The following TRAPPC9 variants were observed in gnomAD, a reference collection of about 807,000 sequenced individuals.
TRAPPC9 encodes the protein trafficking protein particle complex subunit 9, also known as IKK2 binding protein.
TRAPPC9 carries 83 observed loss-of-function variants against 124.0 expected under a neutral mutation model. The ratio of observed to expected loss-of-function variants is 0.67; its 90% CI spans 0.56 to 0.80. The LOEUF (loss-of-function observed/expected upper bound fraction) is 0.80, where lower values mean the gene tolerates loss of function less well. Ranked by LOEUF, TRAPPC9 falls within the 30% of genes least tolerant of loss-of-function variation. The pLI, the probability that TRAPPC9 is intolerant of heterozygous loss-of-function variation, is 0.00. For synonymous variants in TRAPPC9, 638 were observed against 617.5 expected, an observed-to-expected ratio of 1.03 and a Z score of -0.49; for missense variants, 1,302 against 1,508.3, an observed-to-expected ratio of 0.86 and a Z score of 2.27.
intron 18 of TRAPPC9, among the ~76,000 whole-genome samples, chr8:140,014,043 A>T (rs1839301119): frequency 6.6e-6 from 1 of 152,176 alleles, no homozygotes; most frequent in Non-Finnish European, 1.5e-5. Context: ...CTGGAAAAAG[A>T]TCTACCACGA....
intron 19 of TRAPPC9, among the ~76,000 whole-genome samples, chr8:139,954,638 G>C (rs28436938): frequency 0.3 from 45,257 of 152,166 alleles, 7,095 homozygotes; most frequent in East Asian, 0.63. Flanking sequence ...AAGAAGCTGC[G>C]AGGTAATCTC....
chr8:140,352,563 A>T (rs745637798), intron 9 of TRAPPC9, among the ~76,000 whole-genome samples: 4 of 152,132 alleles, frequency 2.6e-5, no homozygotes, highest in Non-Finnish European at 5.9e-5. Flanking sequence ...GACTGGGCTG[A>T]ACATTAAACG....
intron 21 of TRAPPC9, among the ~76,000 whole-genome samples, chr8:139,827,014 G>A (rs1250961110): frequency 1.3e-5 from 2 of 152,222 alleles, no homozygotes; most frequent in Non-Finnish European, 2.9e-5. Flanking sequence ...GGAACCTGGA[G>A]TCACTCTGCA....
intron 17 of TRAPPC9, among the ~76,000 whole-genome samples, chr8:140,197,746 A>G (rs1341819004): frequency 2.0e-5 from 3 of 152,104 alleles, no homozygotes; most frequent in Non-Finnish European, 1.5e-5. Context: ...TATAAAACAA[A>G]AGAGAACAGA....
At chr8:140,018,003 C>T (rs796155412) in intron 18 of TRAPPC9, among the ~76,000 whole-genome samples, 26 of 152,200 alleles carry the variant, frequency 1.7e-4, no homozygotes, top group African/African-American at 5.8e-4. Flanking sequence ...ACCACCACAC[C>T]CAGTTAATTT....
intron 21 of TRAPPC9, among the ~76,000 whole-genome samples, chr8:139,857,383 G>A (rs996349480): frequency 2.6e-5 from 4 of 152,192 alleles, no homozygotes; most frequent in Non-Finnish European, 4.4e-5. Flanking sequence ...CTGACAATCT[G>A]AGTGCGATTC....
intron 20 of TRAPPC9, among the ~76,000 whole-genome samples, chr8:139,887,338 A>T (rs1830077915): frequency 6.7e-6 from 1 of 150,198 alleles, no homozygotes; most frequent in African/African-American, 2.5e-5. Flanking sequence ...CTCCTGCCTC[A>T]GTCTCTCGAG....
At chr8:139,929,756 TC>T (rs905511259) in intron 19 of TRAPPC9, among the ~76,000 whole-genome samples, 1 of 152,196 alleles carries the variant, frequency 6.6e-6, no homozygotes, top group African/African-American at 2.4e-5. Context: ...TGGACTCAGG[TC>T]CCTTGGCTGG....
intron 19 of TRAPPC9, among the ~76,000 whole-genome samples, chr8:139,978,491 T>C (rs75090573): frequency 0.013 from 1,917 of 152,326 alleles, 44 homozygotes; most frequent in African/African-American, 0.043. Flanking sequence ...TGAAAATGTT[T>C]ACAGATGAAA....
chr8:139,917,922 C>T (rs948194210), intron 19 of TRAPPC9, among the ~76,000 whole-genome samples: 3 of 152,202 alleles, frequency 2.0e-5, no homozygotes, highest in African/African-American at 4.8e-5. Context: ...CCAGCTGTGG[C>T]CCATGCAGTT....
chr8:139,766,133 C>T (rs1489324190), intron 21 of TRAPPC9, among the ~76,000 whole-genome samples: 1 of 152,230 alleles, frequency 6.6e-6, no homozygotes, highest in Non-Finnish European at 1.5e-5. Context: ...CCCCTTGGCC[C>T]CAAACACTAG....
At chr8:140,111,886 C>T (rs1397409480) in intron 17 of TRAPPC9, among the ~76,000 whole-genome samples, 1 of 152,264 alleles carries the variant, frequency 6.6e-6, no homozygotes, top group Non-Finnish European at 1.5e-5. Flanking sequence ...AAGAGGCAAG[C>T]TCTCCCTGTA....
intron 16 of TRAPPC9, among the ~76,000 whole-genome samples, chr8:140,230,232 CAAAGCACTTTT>C (rs1486722057): frequency 6.6e-6 from 1 of 152,220 alleles, no homozygotes; most frequent in East Asian, 1.9e-4. Context: ...AAACCAACTA[CAAAGCACTTTT>C]AAAGCACTGG....
chr8:140,116,863 G>A (rs754279655), intron 17 of TRAPPC9, among the ~76,000 whole-genome samples: 9 of 134,758 alleles, frequency 6.7e-5, no homozygotes, highest in Admixed American at 2.1e-4. Flanking sequence ...GTAAGTAGGC[G>A]GAGTTCAGTG....
intron 17 of TRAPPC9, among the ~76,000 whole-genome samples, chr8:140,076,667 A>C (rs1843528514): frequency 6.6e-6 from 1 of 152,168 alleles, no homozygotes; most frequent in South Asian, 2.1e-4. Context: ...ACGATCACGA[A>C]GATCGGCCGT....
At chr8:140,092,244 C>A (rs539240286) in intron 17 of TRAPPC9, among the ~76,000 whole-genome samples, 8 of 145,322 alleles carry the variant, frequency 5.5e-5, no homozygotes, top group South Asian at 2.2e-4. Context: ...GTTACCCAGG[C>A]TAGACTACAA....
At chr8:140,149,550 G>T (rs189120738) in intron 17 of TRAPPC9, among the ~76,000 whole-genome samples, 111 of 152,096 alleles carry the variant, frequency 7.3e-4, no homozygotes, top group African/African-American at 2.6e-3. Flanking sequence ...AGCCCAGGAG[G>T]CGGAGGTAGT....
At chr8:140,193,819 T>C (rs2062562872) in intron 17 of TRAPPC9, among the ~76,000 whole-genome samples, 1 of 152,130 alleles carries the variant, frequency 6.6e-6, no homozygotes, top group African/African-American at 2.4e-5. Flanking sequence ...AAGACTGTAA[T>C]ACCTATCTTT....
intron 21 of TRAPPC9, among the ~76,000 whole-genome samples, chr8:139,738,276 G>A (rs1176260549): frequency 6.6e-6 from 1 of 152,224 alleles, no homozygotes; most frequent in Non-Finnish European, 1.5e-5. Flanking sequence ...GCCTAGCAAA[G>A]CCTCCTGAAT....
Sources: allele counts gnomAD v4.1 joint callset (sites outside exome capture counted in the v4.1 genomes callset), GRCh38; gene constraint gnomAD v4.1.1; transcripts MANE v1.5; gene names NCBI Gene and HGNC (gene_info 2026-07-23, HGNC 2026-07-21).